The following KCNIP4 variants were observed in gnomAD, a reference collection of about 807,000 sequenced individuals.
KCNIP4 encodes the protein potassium voltage-gated channel interacting protein 4.
Under a neutral mutation model 34.0 loss-of-function variants are expected in KCNIP4, and 12 were observed. That is an observed-to-expected ratio of 0.35 (90% CI 0.23 to 0.57). The LOEUF (loss-of-function observed/expected upper bound fraction) is 0.57, where lower values mean the gene tolerates loss of function less well. Among genes scored for constraint, KCNIP4 ranks in the 20% least tolerant of loss-of-function variants. The pLI is 0.83. For missense variants in KCNIP4, 238 were observed against 311.7 expected, an observed-to-expected ratio of 0.76 and a Z score of 1.78; for synonymous variants, 124 against 102.2, an observed-to-expected ratio of 1.21 and a Z score of -1.29.
At chr4:21,821,483 G>T (rs775458918) in intron 1 of KCNIP4, among the ~76,000 whole-genome samples, 2 of 152,110 alleles carry the variant, frequency 1.3e-5, no homozygotes, top group African/African-American at 2.4e-5. Flanking sequence ...ACCCGCAGTT[G>T]AAATTGAGCA....
intron 1 of KCNIP4, among the ~76,000 whole-genome samples, chr4:21,462,742 C>A (rs1218821905): frequency 1.4e-5 from 2 of 146,368 alleles, no homozygotes; most frequent in Non-Finnish European, 3.0e-5. Context: ...GGATTTTATT[C>A]TTTATGGCTA....
intron 1 of KCNIP4, among the ~76,000 whole-genome samples, chr4:20,946,228 G>A (rs753480405): frequency 1.3e-5 from 2 of 152,144 alleles, no homozygotes; most frequent in Non-Finnish European, 2.9e-5. Context: ...CCTAGCTACT[G>A]CACAGGTTCT....
chr4:21,887,102 T>C (rs1404485304), intron 1 of KCNIP4, among the ~76,000 whole-genome samples: 3 of 152,122 alleles, frequency 2.0e-5, no homozygotes, highest in Non-Finnish European at 4.4e-5. Context: ...AAATATAGAC[T>C]CTAGACACAA....
chr4:21,915,483 G>A (rs1728578402), intron 1 of KCNIP4, among the ~76,000 whole-genome samples: 1 of 152,100 alleles, frequency 6.6e-6, no homozygotes, highest in African/African-American at 2.4e-5. Context: ...AACTTATCTA[G>A]GTCATACAGT....
intron 1 of KCNIP4, among the ~76,000 whole-genome samples, chr4:21,096,253 G>A (rs1294517793): frequency 6.6e-6 from 1 of 152,022 alleles, no homozygotes; most frequent in Non-Finnish European, 1.5e-5. Context: ...ATTTGTTAGA[G>A]CCACTCCATC....
chr4:21,910,737 G>A lies in KCNIP4; in HGVS notation c.61+37834C>T, dbSNP rs1728259980. Among the ~76,000 whole-genome samples the A allele has an allele frequency of 2.0e-5, 3 of 152,004 alleles. No homozygotes were observed. The South Asian group carries it at 6.2e-4, about 32-fold the overall frequency. On this transcript the variant is annotated intron_variant, in intron 1 of 8. Transcript: ENST00000382152. ...AGAGGCAAATGAAATTTGATTATTC[G>A]GCCAGTTACTTTTCAGCTTCTGTGT...
Position 21,625,910 on chromosome 4 carries a change from G to T in KCNIP4, c.61+322661C>A, listed in dbSNP as rs193001772. On this transcript the variant is annotated intron_variant, in intron 1 of 8. Coordinates refer to ENST00000382152, the MANE Select transcript of KCNIP4 (RefSeq NM_025221.6). Reference sequence around the variant, plus strand: ...ATCTTAGTCTCTCTTGGTTTGGAATGAATATTTGGTTGGTTTAGACAGCAA... The same window carrying T: ...ATCTTAGTCTCTCTTGGTTTGGAATTAATATTTGGTTGGTTTAGACAGCAA... Among the ~76,000 whole-genome samples, 20 of 152,208 alleles carry T rather than the reference G, an allele frequency of 1.3e-4. No homozygotes were observed. The East Asian group carries it at 3.5e-3, about 26-fold the overall frequency.
At chr4:20,802,187 A>ATATATATGC (rs71181585) in intron 3 of KCNIP4, among the ~76,000 whole-genome samples, 4,664 of 57,724 alleles carry the variant, frequency 0.081, 325 homozygotes, top group East Asian at 0.36. Context: ...TATATATGCT[A>ATATATATGC]TATATATGCT....
intron 4 of KCNIP4, among the ~76,000 whole-genome samples, chr4:20,751,843 C>T (rs142188094): frequency 6.6e-6 from 1 of 152,268 alleles, no homozygotes; most frequent in African/African-American, 2.4e-5. Context: ...AAATGTGCCT[C>T]TGCAGTTCTT....
intron 1 of KCNIP4, among the ~76,000 whole-genome samples, chr4:21,042,893 A>G (rs1742089077): frequency 6.6e-6 from 1 of 152,172 alleles, no homozygotes; most frequent in Non-Finnish European, 1.5e-5. Context: ...GATAATAAAC[A>G]TTATGCAACC....
intron 1 of KCNIP4, chr4:21,849,530 T>A (rs1360224110): frequency 2.0e-5 from 3 of 152,146 alleles, no homozygotes. Flanking sequence ...AATCAGTGTA[T>A]GCTCACATCG....
At chr4:21,193,571 A>T (rs989423227) in intron 1 of KCNIP4, among the ~76,000 whole-genome samples, 35 of 119,238 alleles carry the variant, frequency 2.9e-4, no homozygotes, top group East Asian at 7.1e-4. Context: ...GCAATTTTAA[A>T]TTTTTTTTTT....
intron 3 of KCNIP4, among the ~76,000 whole-genome samples, chr4:20,759,399 A>G (rs557139736): frequency 4.1e-4 from 63 of 152,300 alleles, no homozygotes; most frequent in African/African-American, 1.4e-3. Flanking sequence ...CATACCCAAG[A>G]CATGGTTTTG....
chr4:21,781,825 C>T (rs2109214219), intron 1 of KCNIP4, among the ~76,000 whole-genome samples: 1 of 151,902 alleles, frequency 6.6e-6, no homozygotes, highest in East Asian at 1.9e-4. Context: ...AGTAAATGGG[C>T]TTAAAGAGAG....
chr4:21,428,174 AAC>A (rs2109654832), intron 1 of KCNIP4, among the ~76,000 whole-genome samples: 1 of 152,290 alleles, frequency 6.6e-6, no homozygotes, highest in Non-Finnish European at 1.5e-5. Flanking sequence ...GGTAAAACAA[AAC>A]AATGATTATT....
intron 1 of KCNIP4, among the ~76,000 whole-genome samples, chr4:21,325,278 A>G (rs1714920605): frequency 6.6e-6 from 1 of 151,448 alleles, no homozygotes; most frequent in Middle Eastern, 3.2e-3. Context: ...TGATCTTGGT[A>G]CTTGTAATTG....
intron 1 of KCNIP4, among the ~76,000 whole-genome samples, chr4:21,207,656 A>G (rs184827953): frequency 6.6e-5 from 10 of 152,262 alleles, no homozygotes; most frequent in African/African-American, 1.9e-4. Context: ...GATGTCATCC[A>G]TTATTTCCAA....
chr4:21,455,002 C>G (rs1728809201), intron 1 of KCNIP4, among the ~76,000 whole-genome samples: 1 of 152,018 alleles, frequency 6.6e-6, no homozygotes, highest in Non-Finnish European at 1.5e-5. Flanking sequence ...GTACCAAGTT[C>G]TGGAGAATCC....
intron 1 of KCNIP4, among the ~76,000 whole-genome samples, chr4:21,061,504 A>T (rs1026451734): frequency 3.3e-5 from 5 of 152,198 alleles, no homozygotes; most frequent in Admixed American, 1.3e-4. Flanking sequence ...AGCCAGACTC[A>T]GCACCATATT....
Sources: gnomAD v4.1 joint callset for allele counts (sites outside exome capture counted in the v4.1 genomes callset) on GRCh38, gnomAD v4.1.1 for gene constraint, MANE v1.5 for transcripts, NCBI Gene and HGNC (gene_info 2026-07-23, HGNC 2026-07-21) for gene names.